Variants in SETX observed in about 807,000 individuals in gnomAD.
SETX encodes helicase senataxin.
A neutral mutation model predicts 227.2 loss-of-function variants in SETX; 90 were observed. The observed-to-expected ratio is 0.40, with a 90% CI of 0.33 to 0.47. The LOEUF is 0.47. SETX is among the 20% of genes least tolerant of loss of function. SETX has a pLI of 0.91. For synonymous variants in SETX, 1,210 were observed against 1,113.2 expected, an observed-to-expected ratio of 1.09 and a Z score of -1.73; for missense variants, 3,052 against 3,181.5, an observed-to-expected ratio of 0.96 and a Z score of 0.98.
intron 11 of SETX, 59 bp from the exon 12 acceptor site, chr9:132,300,862 ATT>A: frequency 6.9e-7 from 1 of 1,454,980 alleles, no homozygotes; most frequent in Non-Finnish European, 9.3e-7. Flanking sequence ...TTTAAATAAG[ATT>A]AACTTAAAAG....
rs565818889 is a variant in SETX at position 132,305,918 on chromosome 9, T to C, written c.5375-5115A>G. Reference sequence around the variant, plus strand: ...CAACATAAAACCCTGGTTTTGATCATTGTTCTGTCTTTACGTTAAGATGTT... The same window carrying C: ...CAACATAAAACCCTGGTTTTGATCACTGTTCTGTCTTTACGTTAAGATGTT... On this transcript the variant is annotated intron_variant, in intron 11 of 25. Transcript: ENST00000224140. Among the ~76,000 whole-genome samples the C allele has an allele frequency of 6.2e-4, 95 of 152,356 alleles. No individual in the cohort carries two copies. In the Middle Eastern group the frequency reaches 0.01, roughly 16 times the overall value.
rs753336459 is a variant in SETX, at chr9:132,342,676, A to G, written c.498+14T>C. On this transcript the variant is annotated intron_variant, in intron 5 of 25. Transcript: ENST00000224140. ...GCACAATATACCCTTCTATCGCCCA[A>G]CACTCACACTCACCATTTCATTGGG... 3.4e-4 allele frequency: 528 copies of G among 1,540,770 alleles called. 1 individual carries two copies. The highest frequency in any genetic ancestry group is 1.8e-3 in the South Asian group (163 of 89,614).
Position 132,273,996 on chromosome 9 carries a change from C to T in SETX, c.7100+1260G>A, listed in dbSNP as rs906190365. Among the ~76,000 whole-genome samples the T allele has an allele frequency of 7.3e-5, 11 of 149,704 alleles. No homozygotes were observed. In the East Asian group the frequency reaches 2.2e-3, roughly 29 times the overall value. On this transcript the variant is annotated intron_variant, in intron 23 of 25. Coordinates refer to ENST00000224140, the MANE Select transcript of SETX (RefSeq NM_015046.7). ...TTTTTTTTTTTTTAAATCATCAAAG[C>T]ATTTTGGGTTCCGTGCAACTTTTTT...
chr9:132,269,072 G>A (rs1025926684), intron 25 of SETX, among the ~76,000 whole-genome samples: 7 of 152,242 alleles, frequency 4.6e-5, no homozygotes, highest in African/African-American at 1.4e-4. Flanking sequence ...ATCTAGCTGT[G>A]ATATCAGTGA....
chr9:132,267,868 C>G (rs1842722126), intron 25 of SETX, among the ~76,000 whole-genome samples: 1 of 152,226 alleles, frequency 6.6e-6, no homozygotes, highest in African/African-American at 2.4e-5. Context: ...CCTCATCCAT[C>G]CAGAGTGCAC....
In SETX at chr9:132,327,773, A is replaced by C. The variant is rs771927658; in HGVS notation, c.3825T>G (p.Arg1275=). ...TPAIVPPKKF[R]QCPEPTSTAE... ...CTGTTGAAGTTGGCTCAGGACACTG[A>C]CGAAATTTCTTTGGCGGCACTATAG... is the stretch of plus-strand genomic sequence containing the variant. The change falls in exon 10 of 26, where the codon CGT becomes CGG. Residue 1275 remains arginine (R), a synonymous_variant. Transcript: ENST00000224140. 11 of 1,614,064 alleles carry C rather than the reference A, an allele frequency of 6.8e-6. No homozygotes were observed. In the Middle Eastern group the frequency reaches 4.9e-4, roughly 72 times the overall value.
chr9:132,340,932 G>C (rs990530337), intron 5 of SETX, among the ~76,000 whole-genome samples: 2 of 152,166 alleles, frequency 1.3e-5, no homozygotes, highest in East Asian at 3.9e-4. Flanking sequence ...AGAATGCTCT[G>C]AGAGGTAATT....
chr9:132,342,503 T>TC (rs1398167766), intron 5 of SETX, among the ~76,000 whole-genome samples, 187 bp downstream of exon 5: 3 of 152,166 alleles, frequency 2.0e-5, no homozygotes, highest in Non-Finnish European at 4.4e-5. Flanking sequence ...TCGGTAAGTA[T>TC]CCCCTACCCT....
intron 2 of SETX, among the ~76,000 whole-genome samples, chr9:132,351,887 A>T (rs896419769): frequency 6.6e-6 from 1 of 152,224 alleles, no homozygotes; most frequent in Non-Finnish European, 1.5e-5. Context: ...GCAAAACCAA[A>T]ATTAAAGCAA....
Position 132,296,983 on chromosome 9 carries a change from G to C in SETX, c.5853C>G (p.His1951Gln), listed in dbSNP as rs928020122. 6.2e-6 allele frequency: 10 copies of C among 1,612,598 alleles called. No homozygotes were observed. The Admixed American group carries it at 1.5e-4, about 24-fold the overall frequency. Residue 1951 changes from histidine to glutamine, a missense_variant, in exon 14 of 26, where the codon CAC (histidine) becomes CAG (glutamine). Physicochemically the swap from His to Gln is conservative, Grantham distance 24 (BLOSUM62 0). Around this residue, in one of 10 missense-constraint regions of SETX, gnomAD observed 239 missense variants for 272.1 expected, o/e 0.88. Transcript: ENST00000224140. ...AGCAGATTTTGGCAACTGATGGTGA[G>C]TGTTTCACCATAGCATATGCAGTTT... The part of the protein sequence containing the change: ...AIETAYAMVK[H>Q]SPSVAKICLI...
At chr9:132,304,779 C>A (rs544587800) in intron 11 of SETX, among the ~76,000 whole-genome samples, 13 of 151,214 alleles carry the variant, frequency 8.6e-5, no homozygotes, top group Non-Finnish European at 1.3e-4. Context: ...AGGAGGATAA[C>A]CTGAGGTCAG....
At chr9:132,291,575 C>A (rs1322047966) in intron 15 of SETX, among the ~76,000 whole-genome samples, 1 of 152,116 alleles carries the variant, frequency 6.6e-6, no homozygotes, top group African/African-American at 2.4e-5. Context: ...AACAGATATC[C>A]TTTACACTGC....
At chr9:132,352,294 A>G (rs1474164884) in intron 2 of SETX, among the ~76,000 whole-genome samples, 3 of 152,158 alleles carry the variant, frequency 2.0e-5, no homozygotes, top group African/African-American at 7.2e-5. Flanking sequence ...AATCACCTTC[A>G]TAATTACCCC....
chr9:132,351,974 G>C (rs1043608106), intron 2 of SETX, among the ~76,000 whole-genome samples: 1 of 152,196 alleles, frequency 6.6e-6, no homozygotes, highest in African/African-American at 2.4e-5. Context: ...AGGTATTACT[G>C]TAATTTTCTA....
chr9:132,326,093 A>T (rs555880920), intron 10 of SETX, among the ~76,000 whole-genome samples: 2 of 151,994 alleles, frequency 1.3e-5, no homozygotes, highest in East Asian at 1.9e-4. Context: ...TTTGAGACAG[A>T]GTCTCACTCT....
intron 10 of SETX, among the ~76,000 whole-genome samples, chr9:132,324,257 G>GA (rs940280701): frequency 1.1e-4 from 16 of 149,230 alleles, no homozygotes; most frequent in South Asian, 2.1e-4. Flanking sequence ...AGTACCTTAG[G>GA]AAAAAAAAAT....
In SETX at chr9:132,281,163, C is replaced by T. The variant is rs73545085; in HGVS notation, c.6654+304G>A. ...TAAATCAGATTCAGCTCTTAAGAGA[C>T]TTAAAAAAGGCAGACATGCACACTG... On this transcript the variant is annotated intron_variant, in intron 20 of 25. Transcript: ENST00000224140. Among the ~76,000 whole-genome samples the T allele has an allele frequency of 1.5e-3, 231 of 152,204 alleles. 1 individual carries two copies. Among genetic ancestry groups the T allele is most frequent in the African/African-American group, 5.3e-3 (218 of 41,510 alleles).
At chr9:132,266,371 G>A (rs767417581) in intron 25 of SETX, 4 of 152,210 alleles carry the variant, frequency 2.6e-5, no homozygotes, top group Non-Finnish European at 5.9e-5. Context: ...ATTACATGAT[G>A]AGGCAATTAT....
At chr9:132,271,903 G>A in intron 23 of SETX, 95 bp from the exon 24 acceptor site, 3 of 1,004,152 alleles carry the variant, frequency 3.0e-6, no homozygotes, top group Non-Finnish European at 4.5e-6. Context: ...TTTTTTTTGA[G>A]ACGGAGTCTC....
Sources: gnomAD v4.1 joint callset for allele counts (sites outside exome capture counted in the v4.1 genomes callset) on GRCh38, gnomAD v4.1.1 for gene constraint, gnomAD v4.1.1 regional missense constraint, MANE v1.5 for transcripts, NCBI Gene and HGNC (gene_info 2026-07-23, HGNC 2026-07-21) for gene names.